DNASE1: variants seen among roughly 807,000 people sequenced by gnomAD.
The protein encoded by DNASE1 is deoxyribonuclease-1.
Under a neutral mutation model 33.9 loss-of-function variants are expected in DNASE1, and 40 were observed. That is an observed-to-expected ratio of 1.18 (90% confidence interval 0.92 to 1.54). The LOEUF is 1.54. Ranked by LOEUF, DNASE1 falls within the 40% of genes most tolerant of loss-of-function variation. DNASE1 has a pLI of 0.00. For missense variants in DNASE1, 518 were observed against 372.6 expected, an observed-to-expected ratio of 1.39 and a Z score of -3.21; for synonymous variants, 216 against 160.0, an observed-to-expected ratio of 1.35 and a Z score of -2.64.
At chr16:3,664,849 TC>T (rs2050792158) in exon 10 of DNASE1, 2 of 190,238 alleles carry the variant, frequency 1.1e-5, no homozygotes, top group African/African-American at 2.4e-5. Flanking sequence ...TTCCCGGCCC[TC>T]CTCACAGCTG....
At chr16:3,641,049 TC>T (rs113818862), upstream of DNASE1, 2 of 397,948 alleles carry the variant, frequency 5.0e-6, no homozygotes, top group African/African-American at 2.1e-5. Context: ...GCTAGACTCA[TC>T]CCCAGCCCCC....
intron 1 of DNASE1, among the ~76,000 whole-genome samples, chr16:3,620,868 C>T (rs1338608850): frequency 6.6e-6 from 1 of 151,844 alleles, no homozygotes; most frequent in African/African-American, 2.4e-5. Context: ...TGGCGCAATG[C>T]CGGCTCACTG....
At chr16:3,642,655 C>A (rs142827623), upstream of DNASE1, among the ~76,000 whole-genome samples, 9 of 152,224 alleles carry the variant, frequency 5.9e-5, no homozygotes, top group African/African-American at 2.2e-4. Context: ...AGATGTGATT[C>A]GTGGTGAGGA....
At chr16:3,638,828 C>G (rs917660380), upstream of DNASE1, among the ~76,000 whole-genome samples, 1 of 152,174 alleles carries the variant, frequency 6.6e-6, no homozygotes, top group Non-Finnish European at 1.5e-5. Context: ...TGAGTAGTTT[C>G]AATTGCTATG....
intron 1 of DNASE1, among the ~76,000 whole-genome samples, chr16:3,620,819 G>C (rs2041282085): frequency 6.7e-6 from 1 of 149,596 alleles, no homozygotes; most frequent in African/African-American, 2.5e-5. Context: ...TATTTATTTT[G>C]AGACAGAGTC....
chr16:3,639,503 G>A (rs1195035796), upstream of DNASE1, among the ~76,000 whole-genome samples: 3 of 152,176 alleles, frequency 2.0e-5, no homozygotes, highest in Non-Finnish European at 4.4e-5. Flanking sequence ...TCCTGGGACA[G>A]CCCAGTCGAC....
rs761734171 is a variant in DNASE1 at position 3,657,311 on chromosome 16, C to A, written c.674C>A (p.Thr225Lys). 3 of 1,613,638 alleles carry A rather than the reference C, an allele frequency of 1.9e-6. No homozygotes were observed. Among genetic ancestry groups the A allele is most frequent in the Non-Finnish European group, 2.5e-6 (3 of 1,180,032 alleles). The change falls in exon 7 of 9, where the codon ACA (threonine) becomes AAA (lysine). Residue 225 changes from threonine (T) to lysine (K), a missense_variant. Physicochemically the swap from Thr to Lys is moderately conservative, Grantham distance 78. Coordinates refer to ENST00000246949, the MANE Select transcript of DNASE1 (RefSeq NM_005223.4). ...QWLIPDSADTTATPTHCAYDR... is the reference protein window; with the variant it reads ...QWLIPDSADTKATPTHCAYDR... ...CTGATCCCCGACAGCGCTGACACCA[C>A]AGCTACACCCACGCACTGTGCCTAT...
Position 3,632,544 on chromosome 16 carries a change from G to T in DNASE1, c.-1358-8171G>T, listed in dbSNP as rs147925156. 1.6e-3 allele frequency among the ~76,000 whole-genome samples: 232 copies of T among 149,332 alleles called. 2 individuals carry two copies. The highest frequency in any genetic ancestry group is 0.013 in the East Asian group (69 of 5,154). Reference sequence around the variant, plus strand: ...GTATAGCCACTGGGACTTTCTTTTTGATTCCTGCTATGTCTTTTTCCATCT... The same window carrying T: ...GTATAGCCACTGGGACTTTCTTTTTTATTCCTGCTATGTCTTTTTCCATCT... On this transcript the variant is annotated intron_variant and NMD_transcript_variant, in intron 1 of 11. Transcript: ENST00000570769.
chr16:3,621,853 CAT>C (rs1413548699), intron 1 of DNASE1, among the ~76,000 whole-genome samples: 4 of 152,138 alleles, frequency 2.6e-5, no homozygotes, highest in Non-Finnish European at 5.9e-5. Flanking sequence ...ATTCCTGTAA[CAT>C]AAGTGGAATT....
chr16:3,657,613 C>T, intron 7 of DNASE1, 107 bp from the exon 8 acceptor site: 1 of 1,485,800 alleles, frequency 6.7e-7, no homozygotes, highest in Non-Finnish European at 9.2e-7. Flanking sequence ...TGGGCACCCA[C>T]AGACCTGCAC....
chr16:3,615,728 G>A (rs1207188919), intron 1 of DNASE1, among the ~76,000 whole-genome samples: 2 of 152,122 alleles, frequency 1.3e-5, no homozygotes, highest in Admixed American at 6.6e-5. Flanking sequence ...CATAGGAGTC[G>A]GTAATTTTTG....
exon 10 of DNASE1, chr16:3,663,791 T>C: frequency 1.8e-6 from 1 of 563,532 alleles, no homozygotes; most frequent in African/African-American, 1.9e-5. Context: ...AATCCACATG[T>C]GGCTGAGTGC....
At chr16:3,664,655 T>G in exon 10 of DNASE1, 1 of 593,724 alleles carries the variant, frequency 1.7e-6, no homozygotes, top group Non-Finnish European at 2.8e-6. Flanking sequence ...TTGGGAGCTC[T>G]GGGGGCTTAG....
In DNASE1 at chr16:3,657,260, T is replaced by C. The variant is rs760919591; in HGVS notation, c.623T>C (p.Leu208Pro). 9.9e-6 allele frequency: 16 copies of C among 1,613,896 alleles called. No homozygotes were observed. Among genetic ancestry groups the C allele is most frequent in the Non-Finnish European group, 1.4e-5 (16 of 1,180,022 alleles). Reference sequence around the variant, plus strand: ...CCCTCCCAGTGGTCATCCATCCGCCTGTGGACAAGCCCCACCTTCCAGTGG... The same window carrying C: ...CCCTCCCAGTGGTCATCCATCCGCCCGTGGACAAGCCCCACCTTCCAGTGG... ...VRPSQWSSIR[L>P]WTSPTFQWLI... The change falls in exon 7 of 9, where the codon CTG becomes CCG. Residue 208 changes from leucine (L) to proline (P), a missense_variant. By Grantham distance (98) the Leu-to-Pro change is moderately conservative. Coordinates refer to ENST00000246949, the MANE Select transcript of DNASE1 (RefSeq NM_005223.4).
chr16:3,637,347 A>G (rs1238763187), intron 1 of DNASE1, among the ~76,000 whole-genome samples: 1 of 152,144 alleles, frequency 6.6e-6, no homozygotes, highest in African/African-American at 2.4e-5. Flanking sequence ...TTCTCTTGTT[A>G]TTATATAGGA....
chr16:3,658,169 C>T (rs2791), downstream of DNASE1: 57,502 of 1,613,862 alleles, frequency 0.036, 1,218 homozygotes, highest in Non-Finnish European at 0.041. Flanking sequence ...CTCATTCAAG[C>T]GGCCCACCAT....
At chr16:3,655,331 C>A in intron 1 of DNASE1, 42 bp from the exon 2 acceptor site, 2 of 1,612,358 alleles carry the variant, frequency 1.2e-6, no homozygotes, top group Non-Finnish European at 8.5e-7. Context: ...GCAGGGATGA[C>A]GTCTCACTTC....
chr16:3,624,367 G>C (rs2041431132), intron 1 of DNASE1, among the ~76,000 whole-genome samples: 1 of 151,986 alleles, frequency 6.6e-6, no homozygotes, highest in Admixed American at 6.6e-5. Context: ...TTTTCTTCTA[G>C]AGTTTTTATT....
intron 1 of DNASE1, among the ~76,000 whole-genome samples, chr16:3,649,084 C>T (rs994946542): frequency 6.6e-6 from 1 of 152,232 alleles, no homozygotes; most frequent in Admixed American, 6.5e-5. Context: ...GAGGTTTGAT[C>T]AGATTCAAGA....
Sources: gnomAD v4.1 joint callset for allele counts (sites outside exome capture counted in the v4.1 genomes callset) on GRCh38, gnomAD v4.1.1 for gene constraint, MANE v1.5 for transcripts, NCBI Gene and HGNC (gene_info 2026-07-23, HGNC 2026-07-21) for gene names.